KANK1: variants seen among roughly 807,000 people sequenced by gnomAD.
KANK1 encodes KN motif and ankyrin repeat domains 1.
KANK1 carries 109 observed loss-of-function variants against 106.2 expected under a neutral mutation model. The observed-to-expected ratio is 1.03, with a 90% CI of 0.88 to 1.20. KANK1 has a LOEUF of 1.20. KANK1 is among the 50% of genes most tolerant of loss of function. The pLI is 0.00. For synonymous variants in KANK1, 873 were observed against 652.2 expected (o/e 1.34, Z -5.16); for missense variants, 2,399 against 1,710.7 (o/e 1.40, Z -7.10).
chr9:548,088 AT>A (rs1300589690), intron 1 of KANK1, among the ~76,000 whole-genome samples: 1 of 152,176 alleles, frequency 6.6e-6, no homozygotes, highest in Non-Finnish European at 1.5e-5. Flanking sequence ...TTTCTCATGT[AT>A]TTCATGGTTT....
intron 1 of KANK1, among the ~76,000 whole-genome samples, chr9:672,558 C>CATCAATATT (rs920181503): frequency 5.3e-5 from 8 of 152,166 alleles, no homozygotes; most frequent in Non-Finnish European, 1.2e-4. Context: ...TCAATATTAT[C>CATCAATATT]ATCAGCATTA....
intron 1 of KANK1, among the ~76,000 whole-genome samples, chr9:629,643 G>C (rs1297542446): frequency 6.6e-6 from 1 of 152,178 alleles, no homozygotes; most frequent in African/African-American, 2.4e-5. Context: ...AATGATACCT[G>C]ATTCTCCCTT....
At chr9:528,002 G>A (rs1275444652) in intron 1 of KANK1, among the ~76,000 whole-genome samples, 1 of 151,828 alleles carries the variant, frequency 6.6e-6, no homozygotes, top group African/African-American at 2.4e-5. Context: ...GTGGTGGCGG[G>A]CGCCTGTATA....
chr9:509,570 A>T (rs1478268245), intron 1 of KANK1, among the ~76,000 whole-genome samples: 1 of 152,224 alleles, frequency 6.6e-6, no homozygotes, highest in Non-Finnish European at 1.5e-5. Flanking sequence ...ATCCCTGCAT[A>T]TGCCTAAGGA....
intron 2 of KANK1, chr9:684,052 C>A: frequency 2.1e-6 from 1 of 487,602 alleles, no homozygotes; most frequent in Non-Finnish European, 2.6e-6. Flanking sequence ...TTAATCAGAA[C>A]CTCAGAATTC....
At position 566,572 on chromosome 9, in the gene KANK1, C is replaced by T. The variant is rs568989185; in HGVS notation, c.-84+61818C>T. On this transcript the variant is annotated intron_variant, in intron 1 of 11. Coordinates refer to ENST00000382297, the MANE Select transcript of KANK1 (RefSeq NM_015158.5). ...CATTCTGACAGGTGCGAGATGGTAT[C>T]TCCTTGTGGTTGTTATTTGCGTTTC... 2.3e-4 allele frequency among the ~76,000 whole-genome samples: 35 copies of T among 152,310 alleles called. No individual in the cohort carries two copies. The South Asian group carries it at 3.3e-3, about 14-fold the overall frequency.
chr9:741,423 A>C (rs1031439324), intron 9 of KANK1, among the ~76,000 whole-genome samples: 12 of 146,368 alleles, frequency 8.2e-5, no homozygotes, highest in Non-Finnish European at 1.6e-4. Context: ...CCCTGGTTGC[A>C]GTGATTCTCC....
intron 1 of KANK1, among the ~76,000 whole-genome samples, chr9:552,849 A>G (rs538673085): frequency 3.3e-5 from 5 of 152,258 alleles, no homozygotes; most frequent in Non-Finnish European, 2.9e-5. Flanking sequence ...TTTGTTAGAA[A>G]TGAACATGAT....
chr9:689,380 AAGAATC>A (rs1819329344), intron 2 of KANK1, among the ~76,000 whole-genome samples: 1 of 152,292 alleles, frequency 6.6e-6, no homozygotes, highest in East Asian at 1.9e-4. Flanking sequence ...CTCTCCTGAC[AAGAATC>A]AGACCCCTCT....
chr9:605,564 G>A (rs1563846224), intron 1 of KANK1, among the ~76,000 whole-genome samples: 1 of 151,806 alleles, frequency 6.6e-6, no homozygotes, highest in Non-Finnish European at 1.5e-5. Flanking sequence ...GGGTAAGAGA[G>A]CGTTAAACAT....
At chr9:728,106 A>G (rs1487005837) in intron 3 of KANK1, among the ~76,000 whole-genome samples, 1 of 152,248 alleles carries the variant, frequency 6.6e-6, no homozygotes, top group Non-Finnish European at 1.5e-5. Flanking sequence ...ACTCTCCTAT[A>G]GCATCACATG....
At chr9:710,706 A>G in intron 2 of KANK1, 98 bp from the exon 3 acceptor site, 1 of 1,189,166 alleles carries the variant, frequency 8.4e-7, no homozygotes, top group Non-Finnish European at 1.2e-6. Flanking sequence ...CAACTCTTAA[A>G]ATCATACCAG....
rs371000012 is a variant in KANK1 at position 546,180 on chromosome 9, C to A, written c.-84+41426C>A. 2.0e-5 allele frequency among the ~76,000 whole-genome samples: 3 copies of A among 152,134 alleles called. No homozygotes were observed. In the East Asian group the frequency reaches 5.8e-4, roughly 29 times the overall value. On this transcript the variant is annotated intron_variant, in intron 1 of 11. Transcript: ENST00000382297. ...TAGCTGGGTGCACTTGTTTAGTGTG[C>A]AGAATACACCTTCCATGCGTGGTGG...
intron 1 of KANK1, among the ~76,000 whole-genome samples, chr9:574,999 T>A (rs1383023244): frequency 6.6e-6 from 1 of 152,166 alleles, no homozygotes; most frequent in Non-Finnish European, 1.5e-5. Context: ...CTCAGGTTAT[T>A]CTGAATTTTG....
chr9:631,701 C>T (rs988931788), intron 1 of KANK1, among the ~76,000 whole-genome samples: 1 of 152,206 alleles, frequency 6.6e-6, no homozygotes, highest in Non-Finnish European at 1.5e-5. Flanking sequence ...TTTAGCTTGG[C>T]ATGCAAAACC....
intron 2 of KANK1, among the ~76,000 whole-genome samples, chr9:684,904 C>CA (rs35237215): frequency 0.18 from 25,834 of 146,636 alleles, 3,239 homozygotes; most frequent in East Asian, 0.34. Context: ...CTTTCCTGAC[C>CA]AAAAAAAAAA....
chr9:744,113 G>A (rs1836512186), intron 10 of KANK1, among the ~76,000 whole-genome samples: 1 of 152,174 alleles, frequency 6.6e-6, no homozygotes, highest in African/African-American at 2.4e-5. Context: ...CTCTCTAAGA[G>A]GAAAGGTAAA....
intron 1 of KANK1, among the ~76,000 whole-genome samples, chr9:548,716 A>C (rs567576218): frequency 6.6e-6 from 1 of 152,318 alleles, no homozygotes; most frequent in South Asian, 2.1e-4. Context: ...CTGGGAATTG[A>C]ATTTAATTAA....
intron 3 of KANK1, among the ~76,000 whole-genome samples, chr9:485,732 G>A (rs1425216364): frequency 1.3e-5 from 2 of 152,084 alleles, no homozygotes; most frequent in Non-Finnish European, 2.9e-5. Context: ...TTAGCTGGAT[G>A]TGGTGGCGCA....
Sources: allele counts gnomAD v4.1 joint callset (sites outside exome capture counted in the v4.1 genomes callset), GRCh38; gene constraint gnomAD v4.1.1; transcripts MANE v1.5; gene names NCBI Gene and HGNC (gene_info 2026-07-23, HGNC 2026-07-21).